Variants in AK8 observed in about 807,000 individuals in gnomAD.
AK8 encodes the protein ATP-AMP transphosphorylase 8.
In AK8, 44 loss-of-function variants were observed where a neutral mutation model predicts 54.6. The ratio of observed to expected loss-of-function variants is 0.81; its 90% CI spans 0.63 to 1.04. The LOEUF is 1.04. Among genes scored for constraint, AK8 ranks in the 50% least tolerant of loss-of-function variants. The pLI is 0.00. For missense variants in AK8, 555 were observed against 613.6 expected (o/e 0.90, Z 1.01); for synonymous variants, 239 against 245.6 (o/e 0.97, Z 0.25).
intron 11 of AK8, 88 bp downstream of exon 11, chr9:132,792,546 T>A: frequency 6.9e-7 from 1 of 1,455,282 alleles, no homozygotes; most frequent in Non-Finnish European, 9.1e-7. Flanking sequence ...CGTGAAGGCT[T>A]GTGTAACCTG....
rs1836517615 is a variant in AK8, at chr9:132,725,583, T to A, written c.*105A>T. 3.8e-6 allele frequency: 4 copies of A among 1,063,732 alleles called. No individual in the cohort carries two copies. The Admixed American group carries it at 6.9e-5, about 18-fold the overall frequency. The allele number at this position is 1,063,732 out of a possible 1,614,324, so 65.9% of individuals were successfully genotyped here. A position where few individuals can be genotyped will look rare whatever the true frequency, so the allele number is the denominator to read the frequency against. On this transcript the variant is annotated 3_prime_UTR_variant, in exon 13 of 13. Coordinates refer to ENST00000298545, the MANE Select transcript of AK8 (RefSeq NM_152572.3). ...CACCTTCAGGACGTACGAGACTGTATCCAGCAGGCTTTATTGGCTTTTTAG... is the reference window on the plus strand; with the variant it reads ...CACCTTCAGGACGTACGAGACTGTAACCAGCAGGCTTTATTGGCTTTTTAG...
rs1031754524 is a variant in AK8, at chr9:132,799,494, G to T, written c.980-6719C>A. Among the ~76,000 whole-genome samples, 1 of 150,998 alleles carries T rather than the reference G, an allele frequency of 6.6e-6. No individual in the cohort carries two copies. The highest frequency in any genetic ancestry group is 1.5e-5 in the Non-Finnish European group (1 of 67,762). On this transcript the variant is annotated intron_variant, in intron 10 of 12. Transcript: ENST00000298545. The surrounding 1 kb of genome is among the most constrained non-coding windows in gnomAD (Gnocchi z 5.0). Reference sequence around the variant, plus strand: ...CACCCCTCCATGCACACTCATAAACGCCCCCACACACTACATACATGTCTA... The same window carrying T: ...CACCCCTCCATGCACACTCATAAACTCCCCCACACACTACATACATGTCTA...
At position 132,839,857 on chromosome 9, in the gene AK8, A is replaced by T. The variant is rs981700122; in HGVS notation, c.403-11131T>A. ...CGCAGGGACGGAGCCTTGCTCTGTC[A>T]CCCAGGCTAGAGTGCAGTGGCGCGA... is the stretch of plus-strand genomic sequence containing the variant. On this transcript the variant is annotated intron_variant, in intron 5 of 12. Transcript: ENST00000298545. Among the ~76,000 whole-genome samples, 3 of 143,170 alleles carry T rather than the reference A, an allele frequency of 2.1e-5. No individual in the cohort carries two copies. In the East Asian group the frequency reaches 6.3e-4, roughly 30 times the overall value. The allele number at this position is 143,170 out of a possible 152,430, so 93.9% of individuals were successfully genotyped here. A position where few individuals can be genotyped will look rare whatever the true frequency, so the allele number is the denominator to read the frequency against.
rs369858902 is a variant in AK8, at chr9:132,826,818, C to T, written c.757+36G>A. On this transcript the variant is annotated intron_variant, in intron 8 of 12. Coordinates refer to ENST00000298545, the MANE Select transcript of AK8 (RefSeq NM_152572.3). This position sits in a 1 kb window ranked among gnomAD's most constrained non-coding sequence, Gnocchi z 4.5. ...AGGCACAGCGAGCCCCGCCCTTGGC[C>T]GTCTGTCCAGGGTGGGGCTGCCTGC... 97 of 1,604,346 alleles carry T rather than the reference C, an allele frequency of 6.0e-5. No homozygotes were observed. Among genetic ancestry groups the T allele is most frequent in the Non-Finnish European group, 7.4e-5 (87 of 1,171,356 alleles).
chr9:132,727,421 C>T (rs981520343), intron 12 of AK8, 33 bp downstream of exon 12: 1 of 1,601,626 alleles, frequency 6.2e-7, no homozygotes, highest in Non-Finnish European at 8.6e-7. Context: ...TGGCAGTCCC[C>T]AGACTGCCAA....
At chr9:132,820,268 T>G (rs1841528785) in intron 9 of AK8, among the ~76,000 whole-genome samples, 1 of 151,910 alleles carries the variant, frequency 6.6e-6, no homozygotes, top group South Asian at 2.1e-4. Flanking sequence ...GATAAGCAGT[T>G]TGGTGTATGG....
At chr9:132,772,702 T>C (rs962819845) in intron 11 of AK8, among the ~76,000 whole-genome samples, 5 of 152,126 alleles carry the variant, frequency 3.3e-5, no homozygotes, top group South Asian at 2.1e-4. Context: ...CTCAACCCCA[T>C]TCCTCCAGCC....
chr9:132,751,209 C>T (rs1482998336), intron 11 of AK8, among the ~76,000 whole-genome samples: 1 of 151,490 alleles, frequency 6.6e-6, no homozygotes, highest in Non-Finnish European at 1.5e-5. Flanking sequence ...CATGGTGAAA[C>T]CCCATGTCTA....
chr9:132,829,207 C>T (rs1416447600), intron 5 of AK8, among the ~76,000 whole-genome samples: 8 of 152,196 alleles, frequency 5.3e-5, no homozygotes, highest in Non-Finnish European at 1.2e-4. Context: ...ATCTGCCCAC[C>T]TTGGCCTCCC....
Position 132,804,326 on chromosome 9 carries a change from T to C in AK8, c.979+10312A>G, listed in dbSNP as rs565532812. On this transcript the variant is annotated intron_variant, in intron 10 of 12. Coordinates refer to ENST00000298545, the MANE Select transcript of AK8 (RefSeq NM_152572.3). The stretch of plus-strand genomic sequence containing the variant: ...CTGCGGGAGCTGACTCCTCAGCCCT[T>C]GAAGCAGCCGGCCGAGCAGACAGCG... 2.6e-4 allele frequency among the ~76,000 whole-genome samples: 40 copies of C among 152,176 alleles called. 1 individual carries two copies. The highest frequency in any genetic ancestry group is 2.2e-3 in the Admixed American group (34 of 15,304).
chr9:132,760,068 C>T (rs565304644), intron 11 of AK8, among the ~76,000 whole-genome samples: 1 of 152,294 alleles, frequency 6.6e-6, no homozygotes, highest in African/African-American at 2.4e-5. Flanking sequence ...GACATTGCCT[C>T]CCTCTTAGGG....
At chr9:132,850,484 C>A (rs1842930432) in intron 5 of AK8, among the ~76,000 whole-genome samples, 3 of 149,838 alleles carry the variant, frequency 2.0e-5, no homozygotes, top group Non-Finnish European at 4.4e-5. Context: ...GCAACCTCTG[C>A]CTACTGGGTT....
chr9:132,777,940 G>C (rs776948410), intron 11 of AK8, among the ~76,000 whole-genome samples: 1 of 152,170 alleles, frequency 6.6e-6, no homozygotes, highest in African/African-American at 2.4e-5. Context: ...AAAGCTGCCC[G>C]ATTTGAGGCA....
intron 10 of AK8, among the ~76,000 whole-genome samples, chr9:132,795,681 C>T (rs537760962): frequency 3.9e-5 from 6 of 152,236 alleles, no homozygotes; most frequent in Admixed American, 3.3e-4. Context: ...GTCTACGCAG[C>T]AAGCCTGACT....
At chr9:132,827,259 A>G in intron 7 of AK8, 1 of 623,854 alleles carries the variant, frequency 1.6e-6, no homozygotes, top group Admixed American at 2.8e-5. Context: ...GTTACAATAC[A>G]AGAACAGGAC....
At chr9:132,746,212 A>ACATG (rs1324365340) in intron 11 of AK8, among the ~76,000 whole-genome samples, 1 of 152,176 alleles carries the variant, frequency 6.6e-6, no homozygotes, top group Non-Finnish European at 1.5e-5. Context: ...TGAGCCAAGC[A>ACATG]CATGCATGCA....
chr9:132,760,883 TC>T (rs1838426399), intron 11 of AK8, among the ~76,000 whole-genome samples: 1 of 152,240 alleles, frequency 6.6e-6, no homozygotes, highest in South Asian at 2.1e-4. Flanking sequence ...TAATAGCTTT[TC>T]TAAAGTTGAA....
intron 10 of AK8, among the ~76,000 whole-genome samples, chr9:132,811,249 G>C: frequency 6.6e-6 from 1 of 152,206 alleles, no homozygotes; most frequent in East Asian, 1.9e-4. Flanking sequence ...GGCAAAAAGG[G>C]CTCTGCAAAG....
intron 11 of AK8, among the ~76,000 whole-genome samples, chr9:132,728,323 C>T (rs945682635): frequency 2.6e-5 from 4 of 152,174 alleles, no homozygotes; most frequent in Non-Finnish European, 4.4e-5. Flanking sequence ...TTGGGACTCC[C>T]GGGGATGGGG....
Sources: gnomAD v4.1 joint callset for allele counts (sites outside exome capture counted in the v4.1 genomes callset) on GRCh38, gnomAD v4.1.1 for gene constraint, Gnocchi (gnomAD v3.1) non-coding constraint, MANE v1.5 for transcripts, NCBI Gene and HGNC (gene_info 2026-07-23, HGNC 2026-07-21) for gene names.